ADCY2: variants seen among roughly 807,000 people sequenced by gnomAD.
ADCY2 encodes adenylate cyclase type 2.
A neutral mutation model predicts 125.2 loss-of-function variants in ADCY2; 31 were observed. The observed-to-expected ratio is 0.25, with a 90% CI of 0.19 to 0.33. The LOEUF is 0.33. Ranked by LOEUF, ADCY2 falls within the 10% of genes least tolerant of loss-of-function variation. The pLI is 1.00. For missense variants in ADCY2, 904 were observed against 1,418.2 expected, an observed-to-expected ratio of 0.64 and a Z score of 5.82; for synonymous variants, 512 against 548.4, an observed-to-expected ratio of 0.93 and a Z score of 0.93.
At chr5:7,767,635 A>G (rs921537623) in intron 17 of ADCY2, among the ~76,000 whole-genome samples, 1 of 152,136 alleles carries the variant, frequency 6.6e-6, no homozygotes, top group Non-Finnish European at 1.5e-5. Context: ...TTTATTTCCT[A>G]TTCCTCCTTC....
At chr5:7,594,705 G>A (rs1344401145) in intron 3 of ADCY2, among the ~76,000 whole-genome samples, 3 of 152,068 alleles carry the variant, frequency 2.0e-5, no homozygotes, top group Non-Finnish European at 1.5e-5. Context: ...AATGTTTGAT[G>A]AACAAATGAC....
chr5:7,826,945 T>C lies in ADCY2; in HGVS notation c.*74T>C. ...ACACACTTTCTGACTGCAACTTCTGTCCCTTGTTTTTGATGTGCGTGCTGT... is the reference window on the plus strand; with the variant it reads ...ACACACTTTCTGACTGCAACTTCTGCCCCTTGTTTTTGATGTGCGTGCTGT... On this transcript the variant is annotated 3_prime_UTR_variant, in exon 25 of 25. Coordinates refer to ENST00000338316, the MANE Select transcript of ADCY2 (RefSeq NM_020546.3). The C allele has an allele frequency of 1.3e-6, 2 of 1,527,750 alleles. No homozygotes were observed. The highest frequency in any genetic ancestry group is 1.8e-6 in the Non-Finnish European group (2 of 1,136,030). 94.6% of individuals were successfully genotyped at this position (1,527,750 alleles called of 1,614,324 possible). A position where few individuals can be genotyped will look rare whatever the true frequency, so the allele number is the denominator to read the frequency against.
chr5:7,733,023 G>T (rs1231364107), intron 14 of ADCY2, among the ~76,000 whole-genome samples: 1 of 152,128 alleles, frequency 6.6e-6, no homozygotes, highest in African/African-American at 2.4e-5. Context: ...AGCATGAATT[G>T]CTTTTTTTGC....
chr5:7,443,687 C>T (rs1343805185), intron 2 of ADCY2, among the ~76,000 whole-genome samples: 3 of 141,494 alleles, frequency 2.1e-5, no homozygotes, highest in South Asian at 2.2e-4. Context: ...TATGTGAGCA[C>T]GTACACATAT....
chr5:7,668,896 C>G (rs1739842611), intron 4 of ADCY2, among the ~76,000 whole-genome samples: 1 of 152,158 alleles, frequency 6.6e-6, no homozygotes, highest in Non-Finnish European at 1.5e-5. Flanking sequence ...AGCCTGAAAT[C>G]CACCATAGCT....
intron 4 of ADCY2, among the ~76,000 whole-genome samples, chr5:7,673,001 C>T (rs1422950085): frequency 6.6e-6 from 1 of 151,862 alleles, no homozygotes; most frequent in African/African-American, 2.4e-5. Flanking sequence ...CTATAGTATC[C>T]CACACCACAC....
At chr5:7,473,035 T>A (rs764374669) in intron 2 of ADCY2, among the ~76,000 whole-genome samples, 44 of 151,768 alleles carry the variant, frequency 2.9e-4, no homozygotes, top group Non-Finnish European at 4.9e-4. Context: ...TAATAGGCAG[T>A]CTCTGTGTTC....
intron 4 of ADCY2, among the ~76,000 whole-genome samples, chr5:7,669,340 A>G (rs1739857534): frequency 6.6e-6 from 1 of 152,198 alleles, no homozygotes; most frequent in South Asian, 2.1e-4. Context: ...TCCCAGATGG[A>G]CACGGTAGGT....
chr5:7,768,078 C>T (rs955068732), intron 17 of ADCY2, among the ~76,000 whole-genome samples: 3 of 151,078 alleles, frequency 2.0e-5, no homozygotes, highest in African/African-American at 7.3e-5. Context: ...TTCCTGGAGG[C>T]TTCTGAGGCC....
intron 3 of ADCY2, among the ~76,000 whole-genome samples, chr5:7,568,818 C>T (rs183609572): frequency 4.6e-5 from 7 of 152,200 alleles, no homozygotes; most frequent in East Asian, 1.9e-4. Context: ...TCTTTGTAGC[C>T]GCGTAGCTTT....
intron 3 of ADCY2, among the ~76,000 whole-genome samples, chr5:7,530,409 C>G (rs1338381359): frequency 2.0e-5 from 3 of 152,124 alleles, no homozygotes; most frequent in African/African-American, 7.2e-5. Context: ...TTCTGATTGA[C>G]TGCCCTGACA....
chr5:7,553,880 C>T (rs1190044527), intron 3 of ADCY2, among the ~76,000 whole-genome samples: 1 of 152,170 alleles, frequency 6.6e-6, no homozygotes, highest in Non-Finnish European at 1.5e-5. Flanking sequence ...AGCACGAGAG[C>T]AACCTCTATT....
chr5:7,465,263 C>T (rs1232326210), intron 2 of ADCY2, among the ~76,000 whole-genome samples: 4 of 152,202 alleles, frequency 2.6e-5, no homozygotes, highest in African/African-American at 9.7e-5. Flanking sequence ...CACATAATGT[C>T]AGCTGGAGGT....
intron 2 of ADCY2, among the ~76,000 whole-genome samples, chr5:7,429,488 A>G (rs1172670423): frequency 6.6e-6 from 1 of 152,218 alleles, no homozygotes; most frequent in African/African-American, 2.4e-5. Context: ...TGGAACATTT[A>G]TTTACTAAGA....
intron 20 of ADCY2, among the ~76,000 whole-genome samples, chr5:7,791,775 T>C (rs973884108): frequency 1.3e-5 from 2 of 152,022 alleles, no homozygotes; most frequent in Non-Finnish European, 2.9e-5. Context: ...GATACAGAGA[T>C]GAATGGGATT....
intron 1 of ADCY2, among the ~76,000 whole-genome samples, chr5:7,407,303 T>TA (rs1219361573): frequency 6.6e-6 from 1 of 152,236 alleles, no homozygotes; most frequent in Non-Finnish European, 1.5e-5. Context: ...CATGTTGTAT[T>TA]AGTCGTTTTC....
In ADCY2 at chr5:7,573,588, A is replaced by ATTTTC. The variant is rs1218033118; in HGVS notation, c.571-52574_571-52570dup. Among the ~76,000 whole-genome samples the ATTTTC allele has an allele frequency of 6.3e-3, 592 of 94,554 alleles. 7 individuals carry two copies. The highest frequency in any genetic ancestry group is 0.018 in the Middle Eastern group (3 of 170). 62.0% of individuals were successfully genotyped at this position (94,554 alleles called of 152,430 possible). A position where few individuals can be genotyped will look rare whatever the true frequency, so the allele number is the denominator to read the frequency against. On this transcript the variant is annotated intron_variant, in intron 3 of 24. Transcript: ENST00000338316. ...TTGCAGCCTCTGGGATACAGGGTTG[A>ATTTTC]TTTTCTTTTTTTTTTTTTTTTTTTT... is the stretch of plus-strand genomic sequence containing the variant.
chr5:7,803,430 C>G (rs1048788061), intron 21 of ADCY2, among the ~76,000 whole-genome samples: 3 of 152,208 alleles, frequency 2.0e-5, no homozygotes, highest in Non-Finnish European at 2.9e-5. Flanking sequence ...TTGAGCCCTG[C>G]CCTCCTGAGC....
intron 9 of ADCY2, among the ~76,000 whole-genome samples, chr5:7,708,315 C>T (rs1053047288): frequency 1.3e-5 from 2 of 152,078 alleles, no homozygotes; most frequent in African/African-American, 4.8e-5. Context: ...GACATGCTTG[C>T]GAGATTGTCT....
Sources: gnomAD v4.1 joint callset for allele counts (sites outside exome capture counted in the v4.1 genomes callset) on GRCh38, gnomAD v4.1.1 for gene constraint, MANE v1.5 for transcripts, NCBI Gene and HGNC (gene_info 2026-07-23, HGNC 2026-07-21) for gene names.